The following CXorf58 variants were observed in gnomAD, a reference collection of about 807,000 sequenced individuals.
CXorf58 encodes the protein uncharacterized protein CXorf58.
CXorf58 carries 24 observed loss-of-function variants against 26.0 expected under a neutral mutation model. The ratio of observed to expected loss-of-function variants is 0.92; its 90% CI spans 0.67 to 1.30. The LOEUF is 1.30. Ranked by LOEUF, CXorf58 falls within the 50% of genes most tolerant of loss-of-function variation. CXorf58 has a pLI of 0.00. For synonymous variants in CXorf58, 87 were observed against 86.1 expected, an observed-to-expected ratio of 1.01 and a Z score of -0.06; for missense variants, 236 against 263.9, an observed-to-expected ratio of 0.89 and a Z score of 0.73.
At chrX:23,937,315 A>G (rs1437405766) in intron 7 of CXorf58, among the ~76,000 whole-genome samples, 3 of 111,933 alleles carry the variant, frequency 2.7e-5, no homozygotes, top group African/African-American at 9.7e-5. Context: ...TTGATACATC[A>G]ACACCCATCA....
chrX:23,925,016 A>G (rs967203562), intron 5 of CXorf58, among the ~76,000 whole-genome samples: 2 of 111,631 alleles, frequency 1.8e-5, no homozygotes, highest in Non-Finnish European at 1.9e-5. Flanking sequence ...TGGAAAAAAA[A>G]GAAGAAATTA....
intron 6 of CXorf58, 53 bp from the exon 7 acceptor site, chrX:23,935,143 G>A: frequency 1.0e-6 from 1 of 969,781 alleles, no homozygotes; most frequent in Admixed American, 2.3e-5. Context: ...TGGGATTATA[G>A]GTATGAGCCA....
chrX:23,922,565 C>G lies in CXorf58; in HGVS notation c.424-4674C>G, dbSNP rs546243682. Reference sequence around the variant, plus strand: ...TCTCTTAGATGGCCCTGCAATAACTCTGGTTAGGGACACATTATTCCCATT... The same window carrying G: ...TCTCTTAGATGGCCCTGCAATAACTGTGGTTAGGGACACATTATTCCCATT... On this transcript the variant is annotated intron_variant, in intron 5 of 8. Transcript: ENST00000379211. Among the ~76,000 whole-genome samples the G allele has an allele frequency of 4.5e-5, 5 of 111,739 alleles. No homozygotes were observed. The Middle Eastern group carries it at 0.023, about 513-fold the overall frequency.
At chrX:23,910,985 C>T (rs943604627) in intron 2 of CXorf58, among the ~76,000 whole-genome samples, 2 of 109,882 alleles carry the variant, frequency 1.8e-5, no homozygotes, top group African/African-American at 3.3e-5. Context: ...AGGCTGGTCT[C>T]GATCTCCTGG....
intron 6 of CXorf58, among the ~76,000 whole-genome samples, chrX:23,928,266 T>C (rs1178423572): frequency 2.7e-5 from 3 of 110,457 alleles, no homozygotes; most frequent in African/African-American, 6.6e-5. Flanking sequence ...CTGCAACCTC[T>C]GCCTCTTGGG....
At chrX:23,911,668 C>T in intron 2 of CXorf58, 89 bp from the exon 3 acceptor site, 1 of 568,055 alleles carries the variant, frequency 1.8e-6, no homozygotes. Flanking sequence ...TGGGGAGGTA[C>T]AGGAGGAGGA....
intron 5 of CXorf58, among the ~76,000 whole-genome samples, chrX:23,918,430 AAC>A (rs1196885371): frequency 1.8e-5 from 2 of 112,339 alleles, no homozygotes; most frequent in Admixed American, 9.5e-5. Flanking sequence ...ACAAAAAAAT[AAC>A]AAACAAGCAA....
intron 3 of CXorf58, 97 bp downstream of exon 3, chrX:23,911,953 C>CTTTTT (rs746350773): frequency 8.8e-4 from 392 of 443,487 alleles, no homozygotes; most frequent in African/African-American, 7.1e-3. Flanking sequence ...TTTATCTCCT[C>CTTTTT]TTTTTTTTTT....
chrX:23,917,715 G>A (rs1002840408), intron 5 of CXorf58, among the ~76,000 whole-genome samples: 1 of 112,813 alleles, frequency 8.9e-6, no homozygotes, highest in East Asian at 2.8e-4. Context: ...ACCACACCTG[G>A]CACTCTCATC....
intron 5 of CXorf58, 63 bp downstream of exon 5, chrX:23,916,391 AT>A: frequency 1.5e-6 from 1 of 681,458 alleles, no homozygotes; most frequent in Non-Finnish European, 2.3e-6. Flanking sequence ...TAGTATCTGA[AT>A]TGCATTCAAA....
chrX:23,913,771 G>A (rs1927646739), intron 3 of CXorf58, among the ~76,000 whole-genome samples: 1 of 109,617 alleles, frequency 9.1e-6, no homozygotes, highest in Non-Finnish European at 1.9e-5. Context: ...GCCGGGCATG[G>A]TGGTGTGCGC....
At chrX:23,931,002 C>G (rs1928155100) in intron 6 of CXorf58, among the ~76,000 whole-genome samples, 1 of 111,469 alleles carries the variant, frequency 9.0e-6, no homozygotes, top group Non-Finnish European at 1.9e-5. Flanking sequence ...CACTGGGAAA[C>G]CAAAAATTAG....
chrX:23,929,086 C>T (rs1300778685), intron 6 of CXorf58, among the ~76,000 whole-genome samples: 2 of 111,331 alleles, frequency 1.8e-5, no homozygotes, highest in African/African-American at 6.5e-5. Context: ...AAAATAGCCT[C>T]ATTGCTGATA....
At chrX:23,909,910 T>C (rs895714394) in intron 1 of CXorf58, among the ~76,000 whole-genome samples, 6 of 111,829 alleles carry the variant, frequency 5.4e-5, no homozygotes, top group African/African-American at 2.0e-4. Flanking sequence ...TGCTAGGCAC[T>C]GAGGACTCTG....
chrX:23,924,677 G>A (rs1927959604), intron 5 of CXorf58, among the ~76,000 whole-genome samples: 1 of 102,247 alleles, frequency 9.8e-6, no homozygotes, highest in African/African-American at 3.6e-5. Flanking sequence ...GGATGAGGGA[G>A]GGGGGAGGGA....
chrX:23,927,412 T>C (rs758640672), intron 6 of CXorf58, 42 bp downstream of exon 6: 18 of 906,079 alleles, frequency 2.0e-5, no homozygotes, highest in Non-Finnish European at 2.5e-5. Context: ...ACCCAGCAAG[T>C]CTTCCTAACT....
At chrX:23,913,352 T>G (rs1388052159) in intron 3 of CXorf58, among the ~76,000 whole-genome samples, 1 of 108,750 alleles carries the variant, frequency 9.2e-6, no homozygotes, top group South Asian at 4.0e-4. Context: ...AGCTAATTTT[T>G]TTTTTTTTGT....
chrX:23,916,500 T>TAAA lies in CXorf58; in HGVS notation c.423+188_423+190dup, dbSNP rs11446281. ...TTTCAAAGTGTCTCCACTTACTAGC[T>TAAA]AAAAAAAAAAAAAAAAAAGACATTT... On this transcript the variant is annotated intron_variant, in intron 5 of 8. Coordinates refer to ENST00000379211, the MANE Select transcript of CXorf58 (RefSeq NM_152761.3). 7.8e-3 allele frequency: 876 copies of TAAA among 111,930 alleles called. 22 individuals are homozygous for TAAA. The highest frequency in any genetic ancestry group is 0.043 in the African/African-American group (791 of 18,232). 9.2% of individuals were successfully genotyped at this position (111,930 alleles called of 1,213,427 possible). A position where few individuals can be genotyped will look rare whatever the true frequency, so the allele number is the denominator to read the frequency against.
intron 5 of CXorf58, 59 bp from the exon 6 acceptor site, chrX:23,927,180 G>A (rs762708570): frequency 1.4e-5 from 11 of 759,163 alleles, no homozygotes; most frequent in South Asian, 3.5e-5. Context: ...TGTAAAGGGC[G>A]TGCTGATCAT....
Sources: gnomAD v4.1 joint callset for allele counts (sites outside exome capture counted in the v4.1 genomes callset) on GRCh38, gnomAD v4.1.1 for gene constraint, MANE v1.5 for transcripts, NCBI Gene and HGNC (gene_info 2026-07-23, HGNC 2026-07-21) for gene names.